QSOX1: variants seen among roughly 807,000 people sequenced by gnomAD.
QSOX1 encodes quiescin sulfhydryl oxidase 1.
A neutral mutation model predicts 76.1 loss-of-function variants in QSOX1; 40 were observed. That is an observed-to-expected ratio of 0.53 (90% CI 0.41 to 0.68). The LOEUF (loss-of-function observed/expected upper bound fraction) is 0.68, where lower values mean the gene tolerates loss of function less well. Among genes scored for constraint, QSOX1 ranks in the 30% least tolerant of loss-of-function variants. The probability of loss-of-function intolerance (pLI) is 0.00; values close to 1 mark genes in which losing one functional copy is unlikely to be tolerated. For synonymous variants in QSOX1, 392 were observed against 413.1 expected (o/e 0.95, Z 0.62); for missense variants, 931 against 974.3 (o/e 0.96, Z 0.59).
At chr1:180,181,449 T>C (rs556969205) in intron 5 of QSOX1, among the ~76,000 whole-genome samples, 1 of 152,322 alleles carries the variant, frequency 6.6e-6, no homozygotes, top group Non-Finnish European at 1.5e-5. Context: ...GATCTTCTTA[T>C]AACTATACAC....
chr1:180,196,612 C>G lies in QSOX1; in HGVS notation c.1819C>G (p.Pro607Ala). The part of the protein sequence containing the change: ...PAEGPEASRP[P>A]KLHPGLRAAP... ...TGAGGGACCTGAGGCAAGTCGACCCCCGAAGCTGCACCCTGGCCTCAGAGC... is the reference window on the plus strand; with the variant it reads ...TGAGGGACCTGAGGCAAGTCGACCCGCGAAGCTGCACCCTGGCCTCAGAGC... The change falls in exon 12 of 12, where the codon CCG (proline) becomes GCG (alanine). Residue 607 changes from proline to alanine, a missense_variant. By Grantham distance (27) the Pro-to-Ala change is conservative. Coordinates refer to ENST00000367602, the MANE Select transcript of QSOX1 (RefSeq NM_002826.5). The surrounding 1 kb of genome is among the most constrained non-coding windows in gnomAD (Gnocchi z 4.1). 1 of 1,614,214 alleles carries G rather than the reference C, an allele frequency of 6.2e-7. No individual in the cohort carries two copies. The highest frequency in any genetic ancestry group is 8.5e-7 in the Non-Finnish European group (1 of 1,180,046).
Position 180,199,153 on chromosome 1 carries a change from G to C in QSOX1, c.*2116G>C, listed in dbSNP as rs1404327406. The C allele has an allele frequency of 1.3e-5, 2 of 152,390 alleles. No individual in the cohort carries two copies. The highest frequency in any genetic ancestry group is 3.4e-3 in the Middle Eastern group (1 of 294). The allele number at this position is 152,390 out of a possible 1,614,324, so 9.4% of individuals were successfully genotyped here. Reference sequence around the variant, plus strand: ...CTTTTCGCCCGGCCCCAGCCCCTCTGGTTGATAAACGGGTGGGCCTCCTCA... The same window carrying C: ...CTTTTCGCCCGGCCCCAGCCCCTCTCGTTGATAAACGGGTGGGCCTCCTCA... On this transcript the variant is annotated 3_prime_UTR_variant, in exon 12 of 12. Transcript: ENST00000367602.
intron 4 of QSOX1, among the ~76,000 whole-genome samples, chr1:180,176,376 C>T (rs568365488): frequency 5.3e-5 from 8 of 152,314 alleles, no homozygotes; most frequent in Middle Eastern, 3.4e-3. Flanking sequence ...AAAATGTTTG[C>T]GGGACGCAGC....
At position 180,194,283 on chromosome 1, in the gene QSOX1, T is replaced by A. The variant is rs965494468; in HGVS notation, c.1359T>A (p.Ala453=). 1 of 1,613,006 alleles carries A rather than the reference T, an allele frequency of 6.2e-7. No homozygotes were observed. Among genetic ancestry groups the A allele is most frequent in the African/African-American group, 1.3e-5 (1 of 74,896 alleles). The change falls in exon 11 of 12, where the codon GCT becomes GCA. Residue 453 remains alanine (A), a synonymous_variant. Transcript: ENST00000367602. ...VHYFFGCRDC[A]SHFEQMAAAS... ...ACTTCTTCGGCTGCCGAGACTGCGC[T>A]AGCCACTTCGAGCAGATGGCTGCTG...
chr1:180,191,736 G>A (rs999710882), intron 10 of QSOX1, among the ~76,000 whole-genome samples: 7 of 152,204 alleles, frequency 4.6e-5, no homozygotes, highest in African/African-American at 1.2e-4. Flanking sequence ...TGGAGGGCCC[G>A]GTGCTGGGAC....
chr1:180,181,334 C>T (rs867743684), intron 5 of QSOX1, among the ~76,000 whole-genome samples: 1 of 152,142 alleles, frequency 6.6e-6, no homozygotes, highest in South Asian at 2.1e-4. Flanking sequence ...ATGGCCTGTC[C>T]GATTATGCTC....
chr1:180,202,352 T>A lies in QSOX1; in HGVS notation c.*5315T>A, dbSNP rs1663653506. ...CCATAGGAAAGTGGGCTTCAGGTGC[T>A]GCCTATTAAACCTCCTGCCTCCCCT... On this transcript the variant is annotated 3_prime_UTR_variant, in exon 12 of 12. Transcript: ENST00000367602. 1 of 152,380 alleles carries A rather than the reference T, an allele frequency of 6.6e-6. No individual in the cohort carries two copies. Among genetic ancestry groups the A allele is most frequent in the South Asian group, 2.1e-4 (1 of 4,838 alleles). The allele number at this position is 152,380 out of a possible 1,614,324, so 9.4% of individuals were successfully genotyped here.
rs997176801 is a variant in QSOX1, at chr1:180,175,458, C to A, written c.412+92C>A. ...TCTATTGGGGTGGAGAAAGCCCTGG[C>A]AGTCGGCAGGGTCGAGGGTGAGGCG... On this transcript the variant is annotated intron_variant, in intron 3 of 11. Transcript: ENST00000367602. 2.8e-6 allele frequency: 4 copies of A among 1,408,122 alleles called. No individual in the cohort carries two copies. In the Admixed American group the frequency reaches 6.7e-5, roughly 24 times the overall value. 87.2% of individuals were successfully genotyped at this position (1,408,122 alleles called of 1,614,324 possible).
In QSOX1 at chr1:180,203,969, C is replaced by G. The variant is rs1221190959; in HGVS notation, c.*6932C>G. The G allele has an allele frequency of 1.3e-5, 2 of 152,124 alleles. No individual in the cohort carries two copies. Among genetic ancestry groups the G allele is most frequent in the Non-Finnish European group, 2.9e-5 (2 of 68,018 alleles). 9.4% of individuals were successfully genotyped at this position (152,124 alleles called of 1,614,324 possible). A position where few individuals can be genotyped will look rare whatever the true frequency, so the allele number is the denominator to read the frequency against. The stretch of plus-strand genomic sequence containing the variant: ...TTGTTATAATTTTGGTTTTTAACAA[C>G]TTCTGTTGTAAATAATAAAAGCACT... On this transcript the variant is annotated 3_prime_UTR_variant, in exon 12 of 12. Coordinates refer to ENST00000367602, the MANE Select transcript of QSOX1 (RefSeq NM_002826.5).
At chr1:180,155,953 C>T (rs935997990) in intron 1 of QSOX1, among the ~76,000 whole-genome samples, 1 of 152,220 alleles carries the variant, frequency 6.6e-6, no homozygotes, top group Non-Finnish European at 1.5e-5. Flanking sequence ...AATTCCAAGA[C>T]ACCATCAACT....
Position 180,154,903 on chromosome 1 carries a change from C to A in QSOX1, c.-5C>A. On this transcript the variant is annotated 5_prime_UTR_variant, in exon 1 of 12. Transcript: ENST00000367602. ...TTGCGTGTGGTGGTGAGCGCAGCGC[C>A]GAGGATGAGGAGGTGCAACAGCGGC... is the stretch of plus-strand genomic sequence containing the variant. 5 of 1,433,954 alleles carry A rather than the reference C, an allele frequency of 3.5e-6. No homozygotes were observed. Among genetic ancestry groups the A allele is most frequent in the East Asian group, 2.9e-5 (1 of 34,148 alleles). 88.8% of individuals were successfully genotyped at this position (1,433,954 alleles called of 1,614,324 possible).
Position 180,155,155 on chromosome 1 carries a change from TG to T in QSOX1, c.250del (p.Ala84ProfsTer38). On this transcript the variant is annotated frameshift_variant, in exon 1 of 12. Transcript: ENST00000367602. LOFTEE classifies it high-confidence loss of function. Reference sequence around the variant, plus strand: ...GCCTTCGCCCCGACGTGGAAGGCGCTGGCCGAAGACGTCAAAGGTGAGAAGC... The same window carrying T: ...GCCTTCGCCCCGACGTGGAAGGCGCTGCCGAAGACGTCAAAGGTGAGAAGC... ...CIAFAPTWKALAEDVKAWRPA... is the reference protein window; with the variant it reads ...CIAFAPTWKAXAEDVKAWRPA... 1 of 1,517,792 alleles carries T rather than the reference TG, an allele frequency of 6.6e-7. No homozygotes were observed. Among genetic ancestry groups the T allele is most frequent in the Non-Finnish European group, 8.8e-7 (1 of 1,137,194 alleles). 94.0% of individuals were successfully genotyped at this position (1,517,792 alleles called of 1,614,324 possible). A position where few individuals can be genotyped will look rare whatever the true frequency, so the allele number is the denominator to read the frequency against.
chr1:180,175,894 C>T lies in QSOX1; in HGVS notation c.413-37C>T, dbSNP rs148150589. On this transcript the variant is annotated intron_variant, in intron 3 of 11. Coordinates refer to ENST00000367602, the MANE Select transcript of QSOX1 (RefSeq NM_002826.5). ...AGTGTGCTGTGGAAGCAGCTCTGCT[C>T]TCCTGACACTCCGCTCACGCCTGTT... 3.1e-5 allele frequency: 47 copies of T among 1,514,976 alleles called. No homozygotes were observed. In the Middle Eastern group the frequency reaches 5.1e-4, roughly 16 times the overall value. The allele number at this position is 1,514,976 out of a possible 1,614,324, so 93.8% of individuals were successfully genotyped here. A position where few individuals can be genotyped will look rare whatever the true frequency, so the allele number is the denominator to read the frequency against.
chr1:180,172,262 A>G (rs1417750071), intron 2 of QSOX1, among the ~76,000 whole-genome samples: 2 of 152,180 alleles, frequency 1.3e-5, no homozygotes, highest in Non-Finnish European at 2.9e-5. Context: ...ATGATGAGAG[A>G]TGGCTAGGAA....
chr1:180,186,275 C>G, intron 8 of QSOX1, 93 bp downstream of exon 8: 5 of 1,505,220 alleles, frequency 3.3e-6, no homozygotes, highest in Non-Finnish European at 4.5e-6. Context: ...GCCCCTCCCT[C>G]CAGAAGCCCA....
At chr1:180,185,140 C>A (rs1663141606) in intron 7 of QSOX1, among the ~76,000 whole-genome samples, 2 of 152,236 alleles carry the variant, frequency 1.3e-5, no homozygotes, top group Non-Finnish European at 2.9e-5. Context: ...GGAGACCTTG[C>A]CCTGAGGAGG....
Position 180,198,319 on chromosome 1 carries a change from C to T in QSOX1, c.*1282C>T. ...TGGTGAGGGAGAAGCCTGTCTGCACCTGCCTAATTCCAGCTCCTCCAGGAA... is the reference window on the plus strand; with the variant it reads ...TGGTGAGGGAGAAGCCTGTCTGCACTTGCCTAATTCCAGCTCCTCCAGGAA... On this transcript the variant is annotated 3_prime_UTR_variant, in exon 12 of 12. Coordinates refer to ENST00000367602, the MANE Select transcript of QSOX1 (RefSeq NM_002826.5). 2.2e-6 allele frequency: 1 copy of T among 456,728 alleles called. No individual in the cohort carries two copies. Among genetic ancestry groups the T allele is most frequent in the Non-Finnish European group, 4.4e-6 (1 of 226,974 alleles). The allele number at this position is 456,728 out of a possible 1,614,324, so 28.3% of individuals were successfully genotyped here.
chr1:180,194,995 C>G (rs868004141), intron 11 of QSOX1, among the ~76,000 whole-genome samples: 6 of 133,228 alleles, frequency 4.5e-5, no homozygotes, highest in East Asian at 3.0e-4. Flanking sequence ...TGACAGCCTC[C>G]CGGGGGGGGG....
At chr1:180,178,128 A>C (rs1212022560) in intron 4 of QSOX1, among the ~76,000 whole-genome samples, 1 of 152,218 alleles carries the variant, frequency 6.6e-6, no homozygotes, top group Non-Finnish European at 1.5e-5. Flanking sequence ...AATAAAAACC[A>C]CATCCAGTCA....
Sources: gnomAD v4.1 joint callset for allele counts (sites outside exome capture counted in the v4.1 genomes callset) on GRCh38, gnomAD v4.1.1 for gene constraint, Gnocchi (gnomAD v3.1) non-coding constraint, MANE v1.5 for transcripts, NCBI Gene and HGNC (gene_info 2026-07-23, HGNC 2026-07-21) for gene names.